Variants in ZP2 observed in about 807,000 individuals in gnomAD.
The protein encoded by ZP2 is zona pellucida sperm-binding protein 2.
ZP2 carries 51 observed loss-of-function variants against 84.0 expected under a neutral mutation model. The ratio of observed to expected loss-of-function variants is 0.61; its 90% confidence interval spans 0.49 to 0.77. The LOEUF (loss-of-function observed/expected upper bound fraction) is 0.77. Ranked by LOEUF, ZP2 falls within the 30% of genes least tolerant of loss-of-function variation. The pLI is 0.00. For missense variants in ZP2, 909 were observed against 911.9 expected (o/e 1.00, Z 0.04); for synonymous variants, 375 against 330.9 (o/e 1.13, Z -1.45).
At chr16:21,197,742 G>A (rs1205887100) in intron 18 of ZP2, 24 bp downstream of exon 18, 6 of 1,613,706 alleles carry the variant, frequency 3.7e-6, no homozygotes, top group Non-Finnish European at 5.1e-6. Flanking sequence ...TATTTCAGAA[G>A]TTTGCAACAT....
At chr16:21,205,170 G>T (rs906167520) in intron 7 of ZP2, among the ~76,000 whole-genome samples, 12 of 152,182 alleles carry the variant, frequency 7.9e-5, no homozygotes, top group African/African-American at 2.9e-4. Flanking sequence ...TTTTAGTAGA[G>T]ACAGGGTTTC....
At position 21,201,402 on chromosome 16, in the gene ZP2, TC is replaced by T; in HGVS notation, c.1660del (p.Asp554ThrfsTer31). ...DCWATSTMDP[D>X]SFPQWNVVVD... ...GACAACGTTCCACTGGGGGAAAGAG[TC>T]TGGATCCATGGTGGACGTCGCCCAG... On this transcript the variant is annotated frameshift_variant, in exon 14 of 19. Coordinates refer to ENST00000574091, the MANE Select transcript of ZP2 (RefSeq NM_001376232.1). LOFTEE classifies it high-confidence loss of function. 2 of 1,598,854 alleles carry T rather than the reference TC, an allele frequency of 1.3e-6. No homozygotes were observed. The highest frequency in any genetic ancestry group is 1.7e-6 in the Non-Finnish European group (2 of 1,171,650).
rs776252033 is a variant in ZP2 at position 21,201,850 on chromosome 16, A to T, written c.1380-20T>A. 1 of 1,613,732 alleles carries T rather than the reference A, an allele frequency of 6.2e-7. No homozygotes were observed. Among genetic ancestry groups the T allele is most frequent in the Non-Finnish European group, 8.5e-7 (1 of 1,179,708 alleles). On this transcript the variant is annotated intron_variant, in intron 12 of 18. Transcript: ENST00000574091. ...GTCATTCTGTAAGAGTTTGGAGGGAAGGTAGGTACAGAAAATTTCAGGTTA... is the reference window on the plus strand; with the variant it reads ...GTCATTCTGTAAGAGTTTGGAGGGATGGTAGGTACAGAAAATTTCAGGTTA...
Position 21,205,491 on chromosome 16 carries a change from T to A in ZP2, c.622A>T (p.Ser208Cys). 1.9e-6 allele frequency: 3 copies of A among 1,614,108 alleles called. No individual in the cohort carries two copies. The highest frequency in any genetic ancestry group is 2.5e-6 in the Non-Finnish European group (3 of 1,179,996). Residue 208 changes from serine (S) to cysteine (C), a missense_variant, in exon 7 of 19, where the codon AGC becomes TGC. Transcript: ENST00000574091. Reference sequence around the variant, plus strand: ...ATCCTGTGGTTGTCAATCAAGAGGCTGAAGCCTTCCTTCATGGCCTCTGGC... The same window carrying A: ...ATCCTGTGGTTGTCAATCAAGAGGCAGAAGCCTTCCTTCATGGCCTCTGGC... ...TLPEAMKEGF[S>C]LLIDNHRMTF...
chr16:21,207,079 C>A, intron 4 of ZP2, 89 bp from the exon 5 acceptor site: 4 of 1,498,384 alleles, frequency 2.7e-6, no homozygotes, highest in Non-Finnish European at 3.7e-6. Flanking sequence ...AGTGGGAAAA[C>A]CCTTAAAGTT....
chr16:21,204,790 A>G (rs771032272), intron 7 of ZP2, among the ~76,000 whole-genome samples: 5 of 152,178 alleles, frequency 3.3e-5, no homozygotes, highest in Non-Finnish European at 7.3e-5. Flanking sequence ...GACCTGTCCT[A>G]AGTACTTTAG....
intron 17 of ZP2, among the ~76,000 whole-genome samples, chr16:21,198,423 T>C (rs957882297): frequency 1.3e-5 from 2 of 152,074 alleles, no homozygotes; most frequent in African/African-American, 4.8e-5. Flanking sequence ...GATTCTAGTA[T>C]GGACTGAGGA....
Position 21,197,579 on chromosome 16 carries a change from A to T in ZP2, c.2139T>A (p.Gly713=), listed in dbSNP as rs777719052. 13 of 1,614,214 alleles carry T rather than the reference A, an allele frequency of 8.1e-6. No homozygotes were observed. In the South Asian group the frequency reaches 1.1e-4, roughly 14 times the overall value. The part of the protein sequence containing the change: ...TKGHKTAGDV[G]SKAVAAVAAF... ...CAGCCACAGCAGCCACAGCTTTGGAACCAACATCTCCAGCAGTCTTGTGCC... is the reference window on the plus strand; with the variant it reads ...CAGCCACAGCAGCCACAGCTTTGGATCCAACATCTCCAGCAGTCTTGTGCC... Residue 713 remains glycine, a synonymous_variant, in exon 19 of 19, where the codon GGT becomes GGA. Coordinates refer to ENST00000574091, the MANE Select transcript of ZP2 (RefSeq NM_001376232.1).
intron 14 of ZP2, among the ~76,000 whole-genome samples, chr16:21,200,132 C>T (rs1166837809): frequency 6.6e-6 from 1 of 152,134 alleles, no homozygotes; most frequent in Non-Finnish European, 1.5e-5. Context: ...CAAATTATAT[C>T]ATTTCAGAAG....
intron 7 of ZP2, 72 bp downstream of exon 7, chr16:21,205,348 G>C: frequency 6.5e-7 from 1 of 1,546,206 alleles, no homozygotes; most frequent in Non-Finnish European, 8.9e-7. Flanking sequence ...TGAAGACATG[G>C]TTGAGATCAT....
rs202065210 is a variant in ZP2, at chr16:21,203,187, C to G, written c.1037G>C (p.Arg346Pro). The G allele has an allele frequency of 1.9e-6, 3 of 1,613,766 alleles. 1 individual carries two copies. In the South Asian group the frequency reaches 3.3e-5, roughly 18 times the overall value. ...LASLKLTFLL[R>P]PETVSMVIYP... Reference sequence around the variant, plus strand: ...GATCACCATGGATACTGTCTCTGGCCGAAGGAGAAAGGTCAGCTTGAGTGA... The same window carrying G: ...GATCACCATGGATACTGTCTCTGGCGGAAGGAGAAAGGTCAGCTTGAGTGA... The change falls in exon 10 of 19, where the codon CGG (arginine) becomes CCG (proline). Residue 346 changes from arginine to proline, a missense_variant. Coordinates refer to ENST00000574091, the MANE Select transcript of ZP2 (RefSeq NM_001376232.1).
In ZP2 at chr16:21,201,784, T is replaced by C. The variant is rs748366522; in HGVS notation, c.1426A>G (p.Ile476Val). The stretch of plus-strand genomic sequence containing the variant: ...GGAGGAGTAAGGCTTTCAACGTTGA[T>C]GTTTAGTAGCATGTCATTCCTGCTA... ...SYSRNDMLLN[I>V]NVESLTPPVA... Residue 476 changes from isoleucine (I) to valine (V), a missense_variant, in exon 13 of 19, where the codon ATC becomes GTC. Ile to Val is a conservative substitution (Grantham distance 29, BLOSUM62 3). Coordinates refer to ENST00000574091, the MANE Select transcript of ZP2 (RefSeq NM_001376232.1). 6.2e-7 allele frequency: 1 copy of C among 1,614,144 alleles called. No individual in the cohort carries two copies. The highest frequency in any genetic ancestry group is 8.5e-7 in the Non-Finnish European group (1 of 1,180,014).
chr16:21,205,856 T>C, intron 5 of ZP2, 81 bp from the exon 6 acceptor site: 1 of 1,456,976 alleles, frequency 6.9e-7, no homozygotes, highest in South Asian at 1.2e-5. Context: ...GCTGTGTGGT[T>C]GTCATACCAA....
Position 21,199,855 on chromosome 16 carries a change from T to A in ZP2, c.1718A>T (p.Tyr573Phe), listed in dbSNP as rs1479419518. The A allele has an allele frequency of 2.5e-6, 4 of 1,612,742 alleles. No individual in the cohort carries two copies. The Admixed American group carries it at 6.7e-5, about 27-fold the overall frequency. ...VDGCAYDLDN[Y>F]QTTFHPVGSS... is the part of the protein sequence containing the mutation. ...GCCGACTGGATGGAAGGTGGTCTGG[T>A]AGTTGTCCAGGTCATATGCACAGCT... Residue 573 changes from tyrosine to phenylalanine, a missense_variant, in exon 15 of 19, where the codon TAC becomes TTC. By Grantham distance (22) the Tyr-to-Phe change is conservative. Transcript: ENST00000574091.
chr16:21,209,259 C>T lies in ZP2; in HGVS notation c.330+372G>A, dbSNP rs572184757. On this transcript the variant is annotated intron_variant, in intron 4 of 18. Transcript: ENST00000574091. Reference sequence around the variant, plus strand: ...TCAGCTCACTGCAAACCTCTGTCCCCTGGGTTTAAGCGATTCTCCTGCCTC... The same window carrying T: ...TCAGCTCACTGCAAACCTCTGTCCCTTGGGTTTAAGCGATTCTCCTGCCTC... Among the ~76,000 whole-genome samples the T allele has an allele frequency of 4.5e-4, 69 of 152,302 alleles. 1 individual carries two copies. The highest frequency in any genetic ancestry group is 1.4e-3 in the African/African-American group (58 of 41,562).
intron 10 of ZP2, 82 bp from the exon 11 acceptor site, chr16:21,202,373 G>A: frequency 7.9e-7 from 1 of 1,272,888 alleles, no homozygotes; most frequent in Non-Finnish European, 1.0e-6. Flanking sequence ...TGCTACGAGG[G>A]AGAAATTCTA....
chr16:21,209,653 T>G lies in ZP2; in HGVS notation c.308A>C (p.Tyr103Ser), dbSNP rs1190273807. Residue 103 changes from tyrosine to serine, a missense_variant, in exon 4 of 19, where the codon TAT becomes TCT. Tyr to Ser is a moderately radical substitution (Grantham distance 144). Coordinates refer to ENST00000574091, the MANE Select transcript of ZP2 (RefSeq NM_001376232.1). ...DPEKLTLRATYDNCTRRVHGG... is the reference protein window; with the variant it reads ...DPEKLTLRATSDNCTRRVHGG... ...TACCACTCTCCTGGTACAGTTATCATAGGTAGCCCTCAGGGTGAGCTTTTC... is the reference window on the plus strand; with the variant it reads ...TACCACTCTCCTGGTACAGTTATCAGAGGTAGCCCTCAGGGTGAGCTTTTC... The G allele has an allele frequency of 6.2e-7, 1 of 1,614,148 alleles. No individual in the cohort carries two copies. The highest frequency in any genetic ancestry group is 2.2e-5 in the East Asian group (1 of 44,886).
upstream of ZP2, among the ~76,000 whole-genome samples, chr16:21,211,945 T>G (rs2093277154): frequency 6.7e-6 from 1 of 149,098 alleles, no homozygotes; most frequent in Admixed American, 6.7e-5. Flanking sequence ...TTTTTTTTTT[T>G]GAGATTCAGT....
In ZP2 at chr16:21,200,353, G is replaced by C. The variant is rs367719155; in HGVS notation, c.1695-475C>G. 1.6e-4 allele frequency among the ~76,000 whole-genome samples: 25 copies of C among 152,282 alleles called. 1 individual carries two copies. The South Asian group carries it at 3.7e-3, about 23-fold the overall frequency. ...CTTGGGAGGCTAAGGCAGGTGAATC[G>C]CTTGAATCTGGGAGGCGGAGGTTGC... On this transcript the variant is annotated intron_variant, in intron 14 of 18. Transcript: ENST00000574091.
Sources: allele counts gnomAD v4.1 joint callset (sites outside exome capture counted in the v4.1 genomes callset), GRCh38; gene constraint gnomAD v4.1.1; transcripts MANE v1.5; gene names NCBI Gene and HGNC (gene_info 2026-07-23, HGNC 2026-07-21).